SYT1: variants seen among roughly 807,000 people sequenced by gnomAD.
The protein encoded by SYT1 is synaptotagmin-1.
Under a neutral mutation model 44.8 loss-of-function variants are expected in SYT1, and 8 were observed. That is an observed-to-expected ratio of 0.18 (90% CI 0.10 to 0.32). The LOEUF is 0.32. SYT1 is among the 10% of genes least tolerant of loss of function. The pLI, the probability that SYT1 is intolerant of heterozygous loss-of-function variation, is 1.00. For missense variants in SYT1, 286 were observed against 509.3 expected (o/e 0.56, Z 4.22); for synonymous variants, 154 against 188.8 (o/e 0.82, Z 1.51).
intron 9 of SYT1, among the ~76,000 whole-genome samples, chr12:79,410,596 C>A (rs1868380892): frequency 6.7e-6 from 1 of 149,904 alleles, no homozygotes; most frequent in South Asian, 2.1e-4. Context: ...AGATGAAGAA[C>A]TTTCCTCTAG....
intron 8 of SYT1, among the ~76,000 whole-genome samples, chr12:79,308,612 A>AAGAAAAAG (rs1462021152): frequency 1.5e-5 from 2 of 134,240 alleles, no homozygotes; most frequent in African/African-American, 5.7e-5. Flanking sequence ...GAAAGAAAGA[A>AAGAAAAAG]AAAGAAAGAA....
intron 1 of SYT1, among the ~76,000 whole-genome samples, chr12:78,967,105 C>T (rs1399341330): frequency 6.6e-6 from 1 of 152,140 alleles, no homozygotes; most frequent in Admixed American, 6.5e-5. Context: ...TTTACCCACA[C>T]ATCTTATGCT....
At position 79,286,784 on chromosome 12, in the gene SYT1, A is replaced by C. The variant is rs1328203775; in HGVS notation, c.351+813A>C. On this transcript the variant is annotated intron_variant, in intron 5 of 10. Transcript: ENST00000261205. ...TAAATGCCTCTTCATTTTTGAAATA[A>C]TATCCATGTTGAATATCTCTAAAGA... Among the ~76,000 whole-genome samples the C allele has an allele frequency of 3.9e-5, 6 of 152,164 alleles. No homozygotes were observed. The South Asian group carries it at 1.2e-3, about 31-fold the overall frequency.
chr12:79,193,710 G>A (rs969379005), intron 3 of SYT1, among the ~76,000 whole-genome samples: 4 of 149,826 alleles, frequency 2.7e-5, no homozygotes, highest in South Asian at 2.1e-4. Flanking sequence ...CCTGGGTAGT[G>A]AGAACCCCAT....
intron 3 of SYT1, among the ~76,000 whole-genome samples, chr12:79,204,543 T>G (rs1340752919): frequency 6.6e-6 from 1 of 152,226 alleles, no homozygotes; most frequent in Non-Finnish European, 1.5e-5. Context: ...GCCGATTGGC[T>G]TGCTTCAACT....
intron 4 of SYT1, among the ~76,000 whole-genome samples, chr12:79,268,467 G>A (rs1001897182): frequency 4.6e-5 from 7 of 152,170 alleles, no homozygotes; most frequent in Non-Finnish European, 1.0e-4. Flanking sequence ...CAAGCAGACT[G>A]TAAACTAATA....
intron 4 of SYT1, among the ~76,000 whole-genome samples, chr12:79,260,823 CTT>C (rs1877792112): frequency 1.3e-5 from 2 of 149,902 alleles, no homozygotes; most frequent in Admixed American, 1.3e-4. Context: ...TTTTAGTAGA[CTT>C]GGGTCTCAAG....
chr12:79,340,134 G>C (rs2139043901), intron 8 of SYT1, among the ~76,000 whole-genome samples: 1 of 152,294 alleles, frequency 6.6e-6, no homozygotes, highest in East Asian at 1.9e-4. Context: ...TTTTTGCTTA[G>C]GATGTCTTGG....
intron 2 of SYT1, among the ~76,000 whole-genome samples, chr12:78,994,004 A>T (rs1870193148): frequency 6.6e-6 from 1 of 152,248 alleles, no homozygotes. Context: ...AGAACAAAAA[A>T]GTTGTGTTTC....
At chr12:79,381,651 G>C (rs894679711) in intron 9 of SYT1, among the ~76,000 whole-genome samples, 1 of 152,220 alleles carries the variant, frequency 6.6e-6, no homozygotes, top group African/African-American at 2.4e-5. Flanking sequence ...TCAGGCTAAA[G>C]ATTTAGATAG....
At chr12:79,360,529 C>T (rs1226480684) in intron 9 of SYT1, among the ~76,000 whole-genome samples, 1 of 152,034 alleles carries the variant, frequency 6.6e-6, no homozygotes, top group East Asian at 1.9e-4. Flanking sequence ...GTCTGGGAGC[C>T]GGGCCAATAA....
intron 3 of SYT1, among the ~76,000 whole-genome samples, chr12:79,114,273 ATT>A (rs1879163132): frequency 6.6e-6 from 1 of 152,176 alleles, no homozygotes; most frequent in Non-Finnish European, 1.5e-5. Flanking sequence ...AATTCATTCC[ATT>A]CATGCAGTAC....
At chr12:78,899,598 T>C (rs1166732281) in intron 1 of SYT1, among the ~76,000 whole-genome samples, 1 of 148,874 alleles carries the variant, frequency 6.7e-6, no homozygotes, top group East Asian at 2.0e-4. Flanking sequence ...AATATTAATA[T>C]TTTTCACCTA....
chr12:79,244,654 G>A (rs566947573), intron 4 of SYT1, among the ~76,000 whole-genome samples: 56 of 151,314 alleles, frequency 3.7e-4, no homozygotes, highest in African/African-American at 1.4e-3. Context: ...CAGTGAGCCA[G>A]GATCACGCCA....
intron 1 of SYT1, among the ~76,000 whole-genome samples, chr12:78,907,909 A>G (rs1238273644): frequency 6.6e-6 from 1 of 152,046 alleles, no homozygotes; most frequent in Non-Finnish European, 1.5e-5. Context: ...TTTGAAGGTA[A>G]TGAGTAATTT....
At chr12:79,337,480 G>A (rs1015924557) in intron 8 of SYT1, among the ~76,000 whole-genome samples, 1 of 152,184 alleles carries the variant, frequency 6.6e-6, no homozygotes, top group African/African-American at 2.4e-5. Context: ...TCCCCATGAT[G>A]TCCTCTCAAG....
At chr12:79,255,257 A>C (rs976533318) in intron 4 of SYT1, among the ~76,000 whole-genome samples, 23 of 152,176 alleles carry the variant, frequency 1.5e-4, no homozygotes, top group Non-Finnish European at 3.4e-4. Context: ...AGCCTTCAAC[A>C]CAGAAGCAAG....
intron 2 of SYT1, among the ~76,000 whole-genome samples, chr12:79,041,484 G>T (rs1873568037): frequency 6.6e-6 from 1 of 151,874 alleles, no homozygotes; most frequent in Admixed American, 6.6e-5. Flanking sequence ...TGTATCCTGA[G>T]ACTTTGCTGA....
At chr12:79,253,745 C>T (rs1253279916) in intron 4 of SYT1, among the ~76,000 whole-genome samples, 1 of 151,824 alleles carries the variant, frequency 6.6e-6, no homozygotes, top group Non-Finnish European at 1.5e-5. Flanking sequence ...AAGTTGTGAA[C>T]GTAAAGGAAA....
Sources: allele counts gnomAD v4.1 joint callset (sites outside exome capture counted in the v4.1 genomes callset), GRCh38; gene constraint gnomAD v4.1.1; transcripts MANE v1.5; gene names NCBI Gene and HGNC (gene_info 2026-07-23, HGNC 2026-07-21).